The following CLASP1 variants were observed in gnomAD, a reference collection of about 807,000 sequenced individuals.
CLASP1 encodes cytoplasmic linker associated protein 1.
Under a neutral mutation model 192.3 loss-of-function variants are expected in CLASP1, and 38 were observed. That is an observed-to-expected ratio of 0.20 (90% CI 0.15 to 0.26). The LOEUF (loss-of-function observed/expected upper bound fraction) is 0.26, where lower values mean the gene tolerates loss of function less well. Ranked by LOEUF, CLASP1 falls within the 10% of genes least tolerant of loss-of-function variation. CLASP1 has a pLI of 1.00. For synonymous variants in CLASP1, 691 were observed against 712.8 expected, an observed-to-expected ratio of 0.97 and a Z score of 0.49; for missense variants, 1,433 against 1,932.5, an observed-to-expected ratio of 0.74 and a Z score of 4.85.
intron 8 of CLASP1, among the ~76,000 whole-genome samples, chr2:121,496,591 G>A (rs1032165977): frequency 6.6e-6 from 1 of 152,112 alleles, no homozygotes; most frequent in Admixed American, 6.5e-5. Flanking sequence ...CTGGTTCGGT[G>A]AAACAAACCA....
intron 1 of CLASP1, among the ~76,000 whole-genome samples, chr2:121,621,830 C>T (rs1455851611): frequency 2.0e-5 from 3 of 152,056 alleles, no homozygotes; most frequent in Non-Finnish European, 4.4e-5. Context: ...GCAAACTAGG[C>T]AACTGGGTTT....
At chr2:121,459,234 C>G (rs1258385435) in intron 12 of CLASP1, among the ~76,000 whole-genome samples, 1 of 151,886 alleles carries the variant, frequency 6.6e-6, no homozygotes, top group Non-Finnish European at 1.5e-5. Flanking sequence ...CACTACCTTG[C>G]CCACGTTGAA....
chr2:121,354,247 A>T (rs1294256144), intron 37 of CLASP1, among the ~76,000 whole-genome samples: 2 of 152,214 alleles, frequency 1.3e-5, no homozygotes, highest in African/African-American at 4.8e-5. Context: ...TACCAGGCCC[A>T]GAGAGTCCCA....
At chr2:121,427,995 A>T (rs536011318) in intron 20 of CLASP1, among the ~76,000 whole-genome samples, 28 of 152,342 alleles carry the variant, frequency 1.8e-4, no homozygotes, top group South Asian at 1.7e-3. Context: ...AATTTTTTAA[A>T]TATTTAATTT....
intron 22 of CLASP1, among the ~76,000 whole-genome samples, chr2:121,421,795 G>A (rs572007066): frequency 4.6e-5 from 7 of 151,576 alleles, no homozygotes; most frequent in Non-Finnish European, 7.4e-5. Context: ...CATCCACCTC[G>A]GCCTCCCGAA....
intron 22 of CLASP1, among the ~76,000 whole-genome samples, chr2:121,423,650 T>C (rs2079899395): frequency 6.6e-6 from 1 of 152,162 alleles, no homozygotes; most frequent in Non-Finnish European, 1.5e-5. Flanking sequence ...CAAACACAAA[T>C]ATGTTACAGC....
At chr2:121,504,169 C>G (rs2093860492) in intron 7 of CLASP1, among the ~76,000 whole-genome samples, 1 of 150,992 alleles carries the variant, frequency 6.6e-6, no homozygotes, top group African/African-American at 2.4e-5. Flanking sequence ...GAGACAGAGG[C>G]TGCAATGAGC....
chr2:121,603,262 A>C (rs577162324), intron 2 of CLASP1: 8 of 152,102 alleles, frequency 5.3e-5, no homozygotes, highest in Non-Finnish European at 1.2e-4. Context: ...AAATGGACAA[A>C]TAATCTGAAC....
chr2:121,454,500 C>T (rs761302946), intron 14 of CLASP1, among the ~76,000 whole-genome samples: 1 of 152,058 alleles, frequency 6.6e-6, no homozygotes, highest in South Asian at 2.1e-4. Context: ...AAAGAATAAT[C>T]GTCTTGGGCC....
At chr2:121,344,235 G>A (rs1006714969) in intron 39 of CLASP1, among the ~76,000 whole-genome samples, 9 of 152,106 alleles carry the variant, frequency 5.9e-5, no homozygotes, top group Admixed American at 2.0e-4. Context: ...CTAGCAACAT[G>A]GCATCTCTCC....
chr2:121,369,735 C>A (rs898819356), intron 34 of CLASP1, among the ~76,000 whole-genome samples: 13 of 152,188 alleles, frequency 8.5e-5, no homozygotes, highest in Admixed American at 6.5e-4. Context: ...CACACCACTA[C>A]CTCTACTTGT....
chr2:121,505,959 AAG>A (rs2093934240), intron 7 of CLASP1, among the ~76,000 whole-genome samples: 1 of 152,178 alleles, frequency 6.6e-6, no homozygotes, highest in Non-Finnish European at 1.5e-5. Context: ...TAGCATGAAA[AAG>A]AGAAATCAAC....
intron 39 of CLASP1, among the ~76,000 whole-genome samples, chr2:121,344,168 C>T (rs554547170): frequency 2.6e-5 from 4 of 152,098 alleles, no homozygotes; most frequent in South Asian, 2.1e-4. Context: ...TCATAAAACT[C>T]GTAAGTGGGG....
At chr2:121,469,324 C>T (rs1426742807) in intron 9 of CLASP1, among the ~76,000 whole-genome samples, 1 of 152,196 alleles carries the variant, frequency 6.6e-6, no homozygotes, top group Non-Finnish European at 1.5e-5. Context: ...CCACCCACAG[C>T]ACGACCCTGC....
chr2:121,557,062 T>C (rs1019655030), intron 2 of CLASP1, among the ~76,000 whole-genome samples: 3 of 152,214 alleles, frequency 2.0e-5, no homozygotes, highest in Non-Finnish European at 2.9e-5. Context: ...AGCTCTGTGG[T>C]TTGAATTCTG....
At chr2:121,501,973 T>A (rs1490168322) in intron 8 of CLASP1, among the ~76,000 whole-genome samples, 2 of 152,194 alleles carry the variant, frequency 1.3e-5, no homozygotes, top group Non-Finnish European at 2.9e-5. Flanking sequence ...ATAGCTTAGC[T>A]ATGATACAAT....
intron 8 of CLASP1, among the ~76,000 whole-genome samples, chr2:121,493,447 G>A (rs2093403015): frequency 6.6e-6 from 1 of 152,190 alleles, no homozygotes; most frequent in Non-Finnish European, 1.5e-5. Context: ...ATATCCATAT[G>A]CAGAAGAATA....
chr2:121,527,963 A>ACCATTTCCTTAT (rs2094618185), intron 4 of CLASP1, 73 bp from the exon 5 acceptor site: 1 of 1,239,928 alleles, frequency 8.1e-7, no homozygotes, highest in East Asian at 2.3e-5. Context: ...GAGCAATAGA[A>ACCATTTCCTTAT]GGCAAGCCTC....
intron 1 of CLASP1, among the ~76,000 whole-genome samples, chr2:121,633,439 C>A (rs2070190060): frequency 7.3e-6 from 1 of 137,138 alleles, no homozygotes; most frequent in Non-Finnish European, 1.5e-5. Flanking sequence ...TGTCTAACCC[C>A]TCCCCGCAAA....
Sources: allele counts gnomAD v4.1 joint callset (sites outside exome capture counted in the v4.1 genomes callset), GRCh38; gene constraint gnomAD v4.1.1; transcripts MANE v1.5; gene names NCBI Gene and HGNC (gene_info 2026-07-23, HGNC 2026-07-21).